The following SLC25A48 variants were observed in gnomAD, a reference collection of about 807,000 sequenced individuals.
SLC25A48 encodes the protein solute carrier family 25 member 48.
Under a neutral mutation model 32.2 loss-of-function variants are expected in SLC25A48, and 29 were observed. That is an observed-to-expected ratio of 0.90 (90% CI 0.67 to 1.23). The LOEUF is 1.23. SLC25A48 is among the 50% of genes most tolerant of loss of function. The pLI is 0.00. For synonymous variants in SLC25A48, 164 were observed against 172.3 expected, an observed-to-expected ratio of 0.95 and a Z score of 0.38; for missense variants, 399 against 422.7, an observed-to-expected ratio of 0.94 and a Z score of 0.49.
intron 3 of SLC25A48, among the ~76,000 whole-genome samples, chr5:135,851,914 G>T (rs1759901840): frequency 6.6e-6 from 1 of 152,080 alleles, no homozygotes; most frequent in Non-Finnish European, 1.5e-5. Context: ...GTCCTTATGT[G>T]GCCCCTTCAG....
At chr5:135,614,766 G>A (rs574125392) in intron 1 of SLC25A48, among the ~76,000 whole-genome samples, 8 of 152,048 alleles carry the variant, frequency 5.3e-5, no homozygotes, top group East Asian at 1.9e-4. Context: ...GTTTGGATTC[G>A]TGCCCTTGCC....
intron 3 of SLC25A48, among the ~76,000 whole-genome samples, chr5:135,796,750 G>A (rs1283516324): frequency 6.6e-6 from 1 of 151,548 alleles, no homozygotes; most frequent in African/African-American, 2.4e-5. Context: ...TGCGGGGTGT[G>A]TAACCACCCA....
At chr5:135,726,862 A>G (rs10037519) in intron 3 of SLC25A48, among the ~76,000 whole-genome samples, 1 of 152,192 alleles carries the variant, frequency 6.6e-6, no homozygotes, top group African/African-American at 2.4e-5. Context: ...TGGTAGTTGC[A>G]TATTTGGTTT....
intron 4 of SLC25A48, among the ~76,000 whole-genome samples, chr5:135,821,332 G>T (rs1757881261): frequency 6.6e-6 from 1 of 152,212 alleles, no homozygotes; most frequent in African/African-American, 2.4e-5. Context: ...GCAAGTGACT[G>T]GAGAGGAGCC....
intron 3 of SLC25A48, among the ~76,000 whole-genome samples, chr5:135,699,946 G>T (rs553221135): frequency 1.9e-4 from 29 of 152,186 alleles, no homozygotes; most frequent in Non-Finnish European, 4.1e-4. Flanking sequence ...TCTCTGAGGG[G>T]TTACAAAGCC....
chr5:135,866,163 T>C (rs1761187122), intron 4 of SLC25A48, among the ~76,000 whole-genome samples: 1 of 152,160 alleles, frequency 6.6e-6, no homozygotes, highest in African/African-American at 2.4e-5. Flanking sequence ...AGTGGCCTCT[T>C]GAGAAATTAT....
chr5:135,772,335 A>G (rs1756434245), intron 3 of SLC25A48, among the ~76,000 whole-genome samples: 1 of 150,964 alleles, frequency 6.6e-6, no homozygotes, highest in Non-Finnish European at 1.5e-5. Flanking sequence ...AATACCACCT[A>G]AAGAGATGAT....
rs545235714 is a variant in SLC25A48 at position 135,634,629 on chromosome 5, C to T, written c.-708-140C>T. On this transcript the variant is annotated intron_variant, in intron 2 of 10. Transcript: ENST00000646290. ...CAGTGATTTGGGGTTCAGTGTTGTC[C>T]TGGGTGGATGACATAGTTGACACCT... The T allele has an allele frequency of 2.7e-4, 41 of 152,330 alleles. 1 individual carries two copies. The highest frequency in any genetic ancestry group is 9.9e-4 in the African/African-American group (41 of 41,554). The allele number at this position is 152,330 out of a possible 1,614,324, so 9.4% of individuals were successfully genotyped here. A position where few individuals can be genotyped will look rare whatever the true frequency, so the allele number is the denominator to read the frequency against.
At chr5:135,725,052 G>C (rs572020481) in intron 3 of SLC25A48, among the ~76,000 whole-genome samples, 1 of 152,366 alleles carries the variant, frequency 6.6e-6, no homozygotes, top group Admixed American at 6.5e-5. Flanking sequence ...TCTTCCACAA[G>C]TAGTAAAAAT....
intron 1 of SLC25A48, among the ~76,000 whole-genome samples, chr5:135,595,207 T>C (rs1356497860): frequency 6.6e-6 from 1 of 152,214 alleles, no homozygotes; most frequent in Non-Finnish European, 1.5e-5. Context: ...TCCACTCTCA[T>C]GCAGCCCCTG....
At position 135,736,309 on chromosome 5, in the gene SLC25A48, T is replaced by C. The variant is rs115810438; in HGVS notation, c.-520-76214T>C. ...ATCTAGGTCTTGTAGGATGGTGAAA[T>C]TGAAAGTGCCGTTTTCTGGCCATTT... On this transcript the variant is annotated intron_variant, in intron 3 of 10. Transcript: ENST00000646290. 6.4e-3 allele frequency among the ~76,000 whole-genome samples: 977 copies of C among 152,252 alleles called. 13 individuals are homozygous for C. Among genetic ancestry groups the C allele is most frequent in the African/African-American group, 0.022 (904 of 41,540 alleles).
chr5:135,711,510 G>A (rs978755827), intron 3 of SLC25A48, among the ~76,000 whole-genome samples: 1 of 152,196 alleles, frequency 6.6e-6, no homozygotes, highest in South Asian at 2.1e-4. Context: ...ATGCTGGTGG[G>A]TTCTCAGGAG....
intron 3 of SLC25A48, among the ~76,000 whole-genome samples, chr5:135,669,781 T>C (rs1212055303): frequency 6.6e-6 from 1 of 152,196 alleles, no homozygotes; most frequent in Non-Finnish European, 1.5e-5. Context: ...GTTCTAGGTA[T>C]GTCTCAGAGT....
intron 4 of SLC25A48, among the ~76,000 whole-genome samples, chr5:135,854,070 C>T (rs906717042): frequency 6.6e-6 from 1 of 152,202 alleles, no homozygotes; most frequent in African/African-American, 2.4e-5. Context: ...CTTTTCTGAG[C>T]AGTAGGTCTC....
intron 7 of SLC25A48, among the ~76,000 whole-genome samples, chr5:135,885,382 A>G (rs1423162857): frequency 6.6e-6 from 1 of 152,060 alleles, no homozygotes; most frequent in Admixed American, 6.5e-5. Context: ...CCCTGCCTCT[A>G]TGCTTTTCTT....
chr5:135,628,324 C>T (rs967383142), intron 1 of SLC25A48, among the ~76,000 whole-genome samples: 1 of 152,150 alleles, frequency 6.6e-6, no homozygotes, highest in South Asian at 2.1e-4. Context: ...ATTTACACCC[C>T]GAGGAACCTG....
chr5:135,678,821 T>G (rs1365139097), intron 3 of SLC25A48, among the ~76,000 whole-genome samples: 2 of 152,232 alleles, frequency 1.3e-5, no homozygotes, highest in African/African-American at 4.8e-5. Context: ...GTCTGTGATT[T>G]CCTCAGTAGC....
At chr5:135,851,234 G>A (rs1033034263) in intron 3 of SLC25A48, among the ~76,000 whole-genome samples, 1 of 152,172 alleles carries the variant, frequency 6.6e-6, no homozygotes, top group African/African-American at 2.4e-5. Flanking sequence ...GCCTCCTGCA[G>A]GCACCTAGAG....
chr5:135,755,660 A>G (rs1755881695), intron 3 of SLC25A48, among the ~76,000 whole-genome samples: 1 of 151,950 alleles, frequency 6.6e-6, no homozygotes, highest in Non-Finnish European at 1.5e-5. Flanking sequence ...ATCTAATGAC[A>G]ACGAACTATA....
Sources: allele counts gnomAD v4.1 joint callset (sites outside exome capture counted in the v4.1 genomes callset), GRCh38; gene constraint gnomAD v4.1.1; transcripts MANE v1.5; gene names NCBI Gene and HGNC (gene_info 2026-07-23, HGNC 2026-07-21).